The following RNF150 variants were observed in gnomAD, a reference collection of about 807,000 sequenced individuals.
RNF150 encodes ring finger protein 150.
Under a neutral mutation model 39.3 loss-of-function variants are expected in RNF150, and 24 were observed. The observed-to-expected ratio is 0.61, with a 90% confidence interval of 0.44 to 0.86. The LOEUF is 0.86. Ranked by LOEUF, RNF150 falls within the 40% of genes least tolerant of loss-of-function variation. The probability of loss-of-function intolerance (pLI) is 0.00; values close to 1 mark genes in which losing one functional copy is unlikely to be tolerated. For synonymous variants in RNF150, 255 were observed against 227.3 expected (o/e 1.12, Z -1.10); for missense variants, 502 against 587.8 (o/e 0.85, Z 1.51).
chr4:140,886,633 A>G (rs954984669), intron 6 of RNF150, among the ~76,000 whole-genome samples: 1 of 152,066 alleles, frequency 6.6e-6, no homozygotes, highest in African/African-American at 2.4e-5. Context: ...TTATTTATTT[A>G]TTTTTAGACA....
In RNF150 at chr4:140,967,040, G is replaced by A. The variant is rs572362744; in HGVS notation, c.735+583C>T. On this transcript the variant is annotated intron_variant, in intron 2 of 6. Transcript: ENST00000515673. ...CTGCAAGATGAAGTGAGAGAGAAGC[G>A]TACAGAGTTAAGTGTGCTATCATTT... Among the ~76,000 whole-genome samples the A allele has an allele frequency of 7.8e-4, 119 of 152,204 alleles. 5 individuals are homozygous for A. In the South Asian group the frequency reaches 0.022, roughly 29 times the overall value.
chr4:141,148,739 C>T (rs1378930773), intron 1 of RNF150, among the ~76,000 whole-genome samples: 4 of 152,282 alleles, frequency 2.6e-5, no homozygotes, highest in South Asian at 2.1e-4. Flanking sequence ...CCACGCCCAG[C>T]GCTTTTCACT....
intron 4 of RNF150, among the ~76,000 whole-genome samples, chr4:140,931,233 C>A (rs115046321): frequency 2.6e-5 from 4 of 151,980 alleles, no homozygotes; most frequent in Non-Finnish European, 5.9e-5. Flanking sequence ...ATTATGATTT[C>A]TACTCTTTTG....
rs969617538 is a variant in RNF150, at chr4:141,132,162, C to T, written c.484+163G>A. ...CAGTTAATCTTCTCCTCTTTGTAAA[C>T]CCCCCAAGTGACGCGGAGCAAAACT... On this transcript the variant is annotated intron_variant, in intron 1 of 6. Coordinates refer to ENST00000515673, the MANE Select transcript of RNF150 (RefSeq NM_020724.2). This position sits in a 1 kb window ranked among gnomAD's most constrained non-coding sequence, Gnocchi z 4.9. 2.0e-5 allele frequency among the ~76,000 whole-genome samples: 3 copies of T among 152,186 alleles called. No individual in the cohort carries two copies. The highest frequency in any genetic ancestry group is 7.2e-5 in the African/African-American group (3 of 41,464).
At chr4:140,895,492 T>C (rs1729909523) in intron 6 of RNF150, among the ~76,000 whole-genome samples, 3 of 152,312 alleles carry the variant, frequency 2.0e-5, no homozygotes, top group Non-Finnish European at 2.9e-5. Flanking sequence ...TCCATAACTG[T>C]AATTGTTCAT....
intron 1 of RNF150, among the ~76,000 whole-genome samples, chr4:141,001,842 A>G (rs933039135): frequency 6.6e-6 from 1 of 152,158 alleles, no homozygotes; most frequent in Non-Finnish European, 1.5e-5. Flanking sequence ...TTTAAAAATG[A>G]TATCAATTTA....
At chr4:141,033,007 T>C (rs560006044) in intron 1 of RNF150, among the ~76,000 whole-genome samples, 2 of 152,260 alleles carry the variant, frequency 1.3e-5, no homozygotes, top group African/African-American at 4.8e-5. Flanking sequence ...TTACTGAAGG[T>C]CGGGAGCTGT....
chr4:140,884,219 C>T (rs930440450), intron 6 of RNF150, among the ~76,000 whole-genome samples: 2 of 152,096 alleles, frequency 1.3e-5, no homozygotes, highest in Non-Finnish European at 2.9e-5. Context: ...CTGTGCTCTC[C>T]TTTAATTCAT....
At chr4:141,030,030 A>G (rs1293046582) in intron 1 of RNF150, among the ~76,000 whole-genome samples, 1 of 152,060 alleles carries the variant, frequency 6.6e-6, no homozygotes, top group Non-Finnish European at 1.5e-5. Flanking sequence ...CCCCGTGCCT[A>G]CTAAAAATAC....
intron 1 of RNF150, among the ~76,000 whole-genome samples, chr4:141,074,174 G>T (rs541248321): frequency 6.6e-5 from 10 of 152,008 alleles, no homozygotes; most frequent in African/African-American, 2.4e-4. Flanking sequence ...TCACAGAAGT[G>T]GCTGATATTA....
chr4:141,136,190 G>T (rs2111119138), upstream of RNF150, among the ~76,000 whole-genome samples: 1 of 152,258 alleles, frequency 6.6e-6, no homozygotes, highest in East Asian at 1.9e-4. Flanking sequence ...CAAAAATTCA[G>T]TGAAATTGGT....
intron 1 of RNF150, among the ~76,000 whole-genome samples, chr4:141,176,046 T>C (rs1346872600): frequency 6.8e-6 from 1 of 146,946 alleles, no homozygotes; most frequent in African/African-American, 2.5e-5. Context: ...GCTACCATGG[T>C]GGGCTAATTT....
chr4:141,000,087 G>GAAGAAGAAGA lies in RNF150; in HGVS notation c.485-32215_485-32214insTCTTCTTCTT, dbSNP rs1553935774. ...GAAGAAGAAGAAGAAGAAGAAGAAG[G>GAAGAAGAAGA]AGAAGAAGAAGAAGAAGAAGAGGAG... On this transcript the variant is annotated intron_variant, in intron 1 of 6. Coordinates refer to ENST00000515673, the MANE Select transcript of RNF150 (RefSeq NM_020724.2). Among the ~76,000 whole-genome samples, 3 of 35,902 alleles carry GAAGAAGAAGA rather than the reference G, an allele frequency of 8.4e-5. 1 individual carries two copies. 23.6% of individuals were successfully genotyped at this position (35,902 alleles called of 152,430 possible). A position where few individuals can be genotyped will look rare whatever the true frequency, so the allele number is the denominator to read the frequency against.
At chr4:140,982,915 T>C (rs1425134730) in intron 1 of RNF150, among the ~76,000 whole-genome samples, 1 of 152,140 alleles carries the variant, frequency 6.6e-6, no homozygotes, top group African/African-American at 2.4e-5. Context: ...AAAACTGCGA[T>C]GTTTCATAAG....
intron 1 of RNF150, among the ~76,000 whole-genome samples, chr4:140,997,458 T>TAAAAATAC (rs1390025228): frequency 6.6e-6 from 1 of 152,026 alleles, no homozygotes; most frequent in African/African-American, 2.4e-5. Context: ...CCATCTCTAC[T>TAAAAATAC]AAAAATACAA....
At chr4:141,118,319 T>C (rs988422717) in intron 1 of RNF150, among the ~76,000 whole-genome samples, 4 of 152,212 alleles carry the variant, frequency 2.6e-5, no homozygotes, top group Non-Finnish European at 5.9e-5. Context: ...AGGTTTTGAA[T>C]GTTCCTGGGG....
chr4:141,049,114 C>A (rs1409960953), intron 1 of RNF150, among the ~76,000 whole-genome samples: 1 of 151,854 alleles, frequency 6.6e-6, no homozygotes, highest in African/African-American at 2.4e-5. Flanking sequence ...TAATAGAAAG[C>A]AAATAGGGCA....
intron 5 of RNF150, 136 bp from the exon 6 acceptor site, chr4:140,911,490 A>G: frequency 3.0e-6 from 2 of 670,180 alleles, no homozygotes; most frequent in Non-Finnish European, 4.9e-6. Context: ...TTATTTAAAA[A>G]CATTCTATAT....
At chr4:141,027,918 T>C (rs967826652) in intron 1 of RNF150, among the ~76,000 whole-genome samples, 2 of 64,634 alleles carry the variant, frequency 3.1e-5, no homozygotes, top group African/African-American at 1.2e-4. Context: ...ATTTGTTTTT[T>C]TTTTTTTGTT....
Sources: allele counts gnomAD v4.1 joint callset (sites outside exome capture counted in the v4.1 genomes callset), GRCh38; gene constraint gnomAD v4.1.1; non-coding constraint Gnocchi (gnomAD v3.1); transcripts MANE v1.5; gene names NCBI Gene and HGNC (gene_info 2026-07-23, HGNC 2026-07-21).